Variants in SUN5 observed in about 807,000 individuals in gnomAD.
The protein encoded by SUN5 is SUN domain-containing protein 5.
Under a neutral mutation model 53.7 loss-of-function variants are expected in SUN5, and 44 were observed. The ratio of observed to expected loss-of-function variants is 0.82; its 90% confidence interval spans 0.64 to 1.05. The LOEUF is 1.05. Ranked by LOEUF, SUN5 falls within the 50% of genes least tolerant of loss-of-function variation. The probability of loss-of-function intolerance (pLI) is 0.00; values close to 1 mark genes in which losing one functional copy is unlikely to be tolerated. For synonymous variants in SUN5, 166 were observed against 179.8 expected (o/e 0.92, Z 0.62); for missense variants, 433 against 483.8 (o/e 0.90, Z 0.98).
chr20:33,002,683 C>T, intron 2 of SUN5, 22 bp from the exon 3 acceptor site: 1 of 1,613,936 alleles, frequency 6.2e-7, no homozygotes, highest in Non-Finnish European at 8.5e-7. Flanking sequence ...ACAGGACTGT[C>T]ATGTCACTGC....
chr20:32,986,002 T>C, intron 10 of SUN5, 99 bp from the exon 11 acceptor site: 5 of 1,348,806 alleles, frequency 3.7e-6, no homozygotes, highest in Non-Finnish European at 5.1e-6. Flanking sequence ...GGTGAGCCAG[T>C]CCTTTCTTGT....
chr20:32,996,413 CAGG>C, intron 6 of SUN5, 55 bp from the exon 7 acceptor site: 1 of 1,514,432 alleles, frequency 6.6e-7, no homozygotes, highest in Non-Finnish European at 9.1e-7. Context: ...AATCTGGCCC[CAGG>C]AGAACTTCAT....
chr20:32,995,849 G>C, intron 7 of SUN5, 122 bp from the exon 8 acceptor site: 1 of 840,868 alleles, frequency 1.2e-6, no homozygotes. Flanking sequence ...AATCTCTTGG[G>C]CCCATCCCTG....
Position 32,997,606 on chromosome 20 carries a change from A to C in SUN5, c.390+32T>G, listed in dbSNP as rs780315414. 7 of 1,612,986 alleles carry C rather than the reference A, an allele frequency of 4.3e-6. No homozygotes were observed. The Admixed American group carries it at 1.2e-4, about 27-fold the overall frequency. ...TTGACTGGTTAGGGTGAGACCTGTC[A>C]GCTGTGGGGCCTGAGGAGGGTGCAC... On this transcript the variant is annotated intron_variant, in intron 6 of 12. Coordinates refer to ENST00000356173, the MANE Select transcript of SUN5 (RefSeq NM_080675.4).
intron 4 of SUN5, 26 bp from the exon 5 acceptor site, chr20:33,000,161 G>T: frequency 6.3e-7 from 1 of 1,588,134 alleles, no homozygotes; most frequent in Non-Finnish European, 8.6e-7. Context: ...TGGTGGTCAA[G>T]ATCAGGTGGG....
At chr20:32,984,117 C>T (rs1989469741) in intron 12 of SUN5, among the ~76,000 whole-genome samples, 168 bp from the exon 13 acceptor site, 1 of 152,212 alleles carries the variant, frequency 6.6e-6, no homozygotes, top group Admixed American at 6.5e-5. Flanking sequence ...TTCAGGAGCT[C>T]TTACTGAAGA....
In SUN5 at chr20:33,002,858, C is replaced by A. The variant is rs923390880; in HGVS notation, c.136+3G>T. On this transcript the variant is annotated splice_donor_region_variant and intron_variant, in intron 2 of 12. Transcript: ENST00000356173. ...AAATACCAGGGCACCTGTCCTTGCT[C>A]ACTCATGTTTGGGGAGGTGTCCTCT... 3 of 1,614,104 alleles carry A rather than the reference C, an allele frequency of 1.9e-6. No homozygotes were observed. The highest frequency in any genetic ancestry group is 2.5e-6 in the Non-Finnish European group (3 of 1,180,040).
chr20:32,993,011 C>T (rs1400978376), intron 8 of SUN5, among the ~76,000 whole-genome samples: 1 of 152,136 alleles, frequency 6.6e-6, no homozygotes, highest in Non-Finnish European at 1.5e-5. Flanking sequence ...ACACTCATAC[C>T]TCATGATCCA....
At position 32,987,245 on chromosome 20, in the gene SUN5, G is replaced by A. The variant is rs77662544; in HGVS notation, c.729+415C>T. On this transcript the variant is annotated intron_variant, in intron 10 of 12. Coordinates refer to ENST00000356173, the MANE Select transcript of SUN5 (RefSeq NM_080675.4). ...ACCAGCTCTGTGGCCACAGTCAAGT[G>A]ACCTGGCTCTTTGAGCCTCAGTTTC... 2.9e-3 allele frequency among the ~76,000 whole-genome samples: 446 copies of A among 152,308 alleles called. 7 individuals are homozygous for A. In the East Asian group the frequency reaches 0.055, roughly 19 times the overall value.
intron 9 of SUN5, among the ~76,000 whole-genome samples, 176 bp downstream of exon 9, chr20:32,989,444 C>A (rs1319245063): frequency 6.8e-6 from 1 of 147,558 alleles, no homozygotes; most frequent in Non-Finnish European, 1.5e-5. Flanking sequence ...CCCCATACCC[C>A]ACCCCGTCCC....
chr20:33,001,825 C>T (rs538523256), intron 3 of SUN5, among the ~76,000 whole-genome samples: 13 of 151,984 alleles, frequency 8.6e-5, no homozygotes, highest in East Asian at 1.9e-4. Flanking sequence ...CGTGCCACCA[C>T]GCCCGGCTAA....
intron 11 of SUN5, 93 bp from the exon 12 acceptor site, chr20:32,985,278 G>A (rs1028542267): frequency 8.8e-7 from 1 of 1,142,472 alleles, no homozygotes; most frequent in Non-Finnish European, 1.3e-6. Context: ...ACACTCCCCA[G>A]GATGGGAGCT....
intron 8 of SUN5, among the ~76,000 whole-genome samples, chr20:32,995,061 T>C (rs561217795): frequency 1.1e-3 from 170 of 152,210 alleles, no homozygotes; most frequent in Non-Finnish European, 1.9e-3. Flanking sequence ...TTTCAAAGCA[T>C]AGGCCTAGCA....
chr20:33,001,555 TTTCTTTC>T (rs1568970915), intron 3 of SUN5, among the ~76,000 whole-genome samples: 25 of 138,410 alleles, frequency 1.8e-4, no homozygotes, highest in African/African-American at 8.4e-4. Context: ...TCTTTCTTTC[TTTCTTTC>T]TTTTCTTCCT....
Position 33,002,915 on chromosome 20 carries a change from C to T in SUN5, c.82G>A (p.Ala28Thr), listed in dbSNP as rs769663027. ...VAHNPRPRRI[A>T]QRGRNTSRMA... ...CTGCTGGTGTTCCGGCCTCGCTGGG[C>T]AATCCTGGGGATGATAAGATTCATA... is the stretch of plus-strand genomic sequence containing the variant. The change falls in exon 2 of 13, where the codon GCC (alanine) becomes ACC (threonine). Residue 28 changes from alanine to threonine, a missense_variant. By Grantham distance (58) the Ala-to-Thr change is moderately conservative. Coordinates refer to ENST00000356173, the MANE Select transcript of SUN5 (RefSeq NM_080675.4). 7.4e-6 allele frequency: 12 copies of T among 1,614,132 alleles called. No individual in the cohort carries two copies. In the South Asian group the frequency reaches 1.2e-4, roughly 16 times the overall value.
chr20:33,003,736 G>A (rs1187113422), intron 1 of SUN5, among the ~76,000 whole-genome samples: 1 of 152,014 alleles, frequency 6.6e-6, no homozygotes, highest in Non-Finnish European at 1.5e-5. Flanking sequence ...TAACATTCCT[G>A]AATAATATAA....
intron 9 of SUN5, 138 bp from the exon 10 acceptor site, chr20:32,987,913 T>A: frequency 1.6e-6 from 1 of 619,360 alleles, no homozygotes; most frequent in Non-Finnish European, 2.9e-6. Flanking sequence ...GGAAATGTGA[T>A]TACAGCCATG....
intron 5 of SUN5, chr20:32,999,786 GT>G: frequency 1.2e-6 from 1 of 844,424 alleles, no homozygotes; most frequent in Non-Finnish European, 1.8e-6. Context: ...AAGCTGTGTT[GT>G]GCGAGGTGGG....
chr20:32,989,926 A>G (rs1729478135), intron 8 of SUN5, among the ~76,000 whole-genome samples: 1 of 152,114 alleles, frequency 6.6e-6, no homozygotes, highest in South Asian at 2.1e-4. Flanking sequence ...CAGATGTCAT[A>G]TGGAGGTCCC....
Sources: allele counts gnomAD v4.1 joint callset (sites outside exome capture counted in the v4.1 genomes callset), GRCh38; gene constraint gnomAD v4.1.1; transcripts MANE v1.5; gene names NCBI Gene and HGNC (gene_info 2026-07-23, HGNC 2026-07-21).